The following INTS1 variants were observed in gnomAD, a reference collection of about 807,000 sequenced individuals.
The protein encoded by INTS1 is integrator complex subunit 1.
In INTS1, 137 loss-of-function variants were observed where a neutral mutation model predicts 241.6. That is an observed-to-expected ratio of 0.57 (90% CI 0.49 to 0.65). The LOEUF (loss-of-function observed/expected upper bound fraction) is 0.65, where lower values mean the gene tolerates loss of function less well. Ranked by LOEUF, INTS1 falls within the 30% of genes least tolerant of loss-of-function variation. INTS1 has a pLI of 0.00. For missense variants in INTS1, 3,073 were observed against 3,032.2 expected, an observed-to-expected ratio of 1.01 and a Z score of -0.32; for synonymous variants, 1,692 against 1,337.8, an observed-to-expected ratio of 1.26 and a Z score of -5.78.
At position 1,497,031 on chromosome 7, in the gene INTS1, C is replaced by A; in HGVS notation, c.1602+107G>T. On this transcript the variant is annotated intron_variant, in intron 11 of 47. Coordinates refer to ENST00000404767, the MANE Select transcript of INTS1 (RefSeq NM_001080453.3). The surrounding 1 kb of genome is among the most constrained non-coding windows in gnomAD (Gnocchi z 5.3). The stretch of plus-strand genomic sequence containing the variant: ...CACTCATCCCCGTACCCACGCTCAG[C>A]CAGAGCATCCGAAGGGGTGGAGTGT... The A allele has an allele frequency of 8.6e-7, 1 of 1,167,418 alleles. No homozygotes were observed. Among genetic ancestry groups the A allele is most frequent in the Non-Finnish European group, 1.2e-6 (1 of 849,134 alleles). 72.3% of individuals were successfully genotyped at this position (1,167,418 alleles called of 1,614,324 possible).
At chr7:1,472,163 T>C in intron 44 of INTS1, 110 bp downstream of exon 44, 1 of 799,264 alleles carries the variant, frequency 1.3e-6, no homozygotes, top group South Asian at 1.5e-5. Flanking sequence ...CAGCCCAGCG[T>C]GGGCCAGGCT....
rs2289035 is a variant in INTS1 at position 1,498,978 on chromosome 7, G to A, written c.1134C>T (p.Pro378=). 636,362 of 1,439,494 alleles carry A rather than the reference G, an allele frequency of 0.44. 135,269 individuals are homozygous for A. The highest frequency in any genetic ancestry group is 0.76 in the East Asian group (29,360 of 38,806). The allele number at this position is 1,439,494 out of a possible 1,614,324, so 89.2% of individuals were successfully genotyped here. A position where few individuals can be genotyped will look rare whatever the true frequency, so the allele number is the denominator to read the frequency against. The part of the protein sequence containing the change: ...VQKLEMWLQN[P]KLTRPAQDLL... ...CCCCCCCGGGGCGCCCCCGCACCTTGGGGTTCTGCAGCCACATCTCCAGCT... is the reference window on the plus strand; with the variant it reads ...CCCCCCCGGGGCGCCCCCGCACCTTAGGGTTCTGCAGCCACATCTCCAGCT... The change falls in exon 8 of 48, where the codon CCC becomes CCT. Residue 378 remains proline, a synonymous_variant. Coordinates refer to ENST00000404767, the MANE Select transcript of INTS1 (RefSeq NM_001080453.3).
chr7:1,499,933 A>G lies in INTS1; in HGVS notation c.635T>C (p.Leu212Pro). 3.1e-6 allele frequency: 5 copies of G among 1,613,690 alleles called. No homozygotes were observed. Among genetic ancestry groups the G allele is most frequent in the Non-Finnish European group, 3.4e-6 (4 of 1,179,830 alleles). The change falls in exon 5 of 48, where the codon CTC (leucine) becomes CCC (proline). Residue 212 changes from leucine to proline, a missense_variant. Transcript: ENST00000404767. ...CTCGTCCTCCTCGTAGGCGGCCATG[A>G]GGAGGTTACAGGCCAGCACAGACAC... Reference protein sequence around the residue: ...SLVSVLACNLLMAAYEEDENW... With the variant: ...SLVSVLACNLPMAAYEEDENW...
At chr7:1,486,423 C>T (rs909185352) in intron 22 of INTS1, among the ~76,000 whole-genome samples, 1 of 151,898 alleles carries the variant, frequency 6.6e-6, no homozygotes, top group African/African-American at 2.4e-5. Flanking sequence ...TCCACCACGC[C>T]CAGCTAATTT....
intron 44 of INTS1, among the ~76,000 whole-genome samples, 192 bp downstream of exon 44, chr7:1,472,081 C>A (rs1781495389): frequency 6.6e-6 from 1 of 152,224 alleles, no homozygotes; most frequent in Non-Finnish European, 1.5e-5. Context: ...ACCTCCAGCT[C>A]CCCTGGGCCC....
Position 1,470,414 on chromosome 7 carries a change from A to C in INTS1, c.*163T>G. ...TGATGCCAGCGGCCGGCCCGGAGCCACCCCAGGGCTCGGAGTATTGCTCCT... is the reference window on the plus strand; with the variant it reads ...TGATGCCAGCGGCCGGCCCGGAGCCCCCCCAGGGCTCGGAGTATTGCTCCT... On this transcript the variant is annotated 3_prime_UTR_variant, in exon 48 of 48. Transcript: ENST00000404767. The C allele has an allele frequency of 3.7e-6, 2 of 545,080 alleles. No homozygotes were observed. Among genetic ancestry groups the C allele is most frequent in the Non-Finnish European group, 6.3e-6 (2 of 317,262 alleles). The allele number at this position is 545,080 out of a possible 1,614,324, so 33.8% of individuals were successfully genotyped here. A position where few individuals can be genotyped will look rare whatever the true frequency, so the allele number is the denominator to read the frequency against.
chr7:1,472,864 G>A (rs1028387115), intron 43 of INTS1, among the ~76,000 whole-genome samples: 5 of 152,106 alleles, frequency 3.3e-5, no homozygotes, highest in South Asian at 2.1e-4. Context: ...GCGATGTGCC[G>A]GGGGGCAGGT....
At chr7:1,500,619 A>AC (rs1183355666) in intron 3 of INTS1, among the ~76,000 whole-genome samples, 3 of 152,144 alleles carry the variant, frequency 2.0e-5, no homozygotes, top group African/African-American at 7.2e-5. Context: ...TGTGTCCCAC[A>AC]CGACTACCCC....
chr7:1,483,503 G>A, intron 26 of INTS1: 2 of 582,956 alleles, frequency 3.4e-6, no homozygotes, highest in Non-Finnish European at 6.2e-6. Context: ...CTCCAGCTCA[G>A]GGCTCTACAG....
chr7:1,489,556 C>G (rs1327695716), intron 17 of INTS1, 35 bp downstream of exon 17: 1 of 1,534,698 alleles, frequency 6.5e-7, no homozygotes. Flanking sequence ...CCAGCAGGGC[C>G]ACGTGTGCGC....
At chr7:1,503,485 T>C (rs1783300804) in intron 2 of INTS1, among the ~76,000 whole-genome samples, 1 of 152,124 alleles carries the variant, frequency 6.6e-6, no homozygotes, top group Non-Finnish European at 1.5e-5. Context: ...TTACTCTAAC[T>C]TTACAAGAGA....
At chr7:1,485,055 C>T (rs1400097241) in intron 24 of INTS1, 43 bp downstream of exon 24, 1 of 1,225,868 alleles carries the variant, frequency 8.2e-7, no homozygotes, top group South Asian at 1.3e-5. Context: ...CTGGCCCCGT[C>T]CCCTCCCCAG....
At chr7:1,482,278 C>A in intron 27 of INTS1, 1 of 355,676 alleles carries the variant, frequency 2.8e-6, no homozygotes, top group Non-Finnish European at 5.0e-6. Context: ...TCTCTTTTTT[C>A]CATCGAGGAC....
chr7:1,498,433 G>A lies in INTS1; in HGVS notation c.1404C>T (p.His468=), dbSNP rs1782968394. 1.2e-6 allele frequency: 2 copies of A among 1,613,748 alleles called. No individual in the cohort carries two copies. Among genetic ancestry groups the A allele is most frequent in the South Asian group, 2.2e-5 (2 of 91,060 alleles). ...NMQVLYTALQ[H]SSELAPKFLA... ...CTACCTTGGGCGCCAGCTCTGAGCT[G>A]TGCTGCAGTGCGGTATAGAGGACCT... The change falls in exon 10 of 48, where the codon CAC becomes CAT. Residue 468 remains histidine, a synonymous_variant. Transcript: ENST00000404767.
At chr7:1,502,247 G>A (rs986691566) in intron 3 of INTS1, among the ~76,000 whole-genome samples, 8 of 152,260 alleles carry the variant, frequency 5.3e-5, no homozygotes, top group Admixed American at 3.3e-4. Flanking sequence ...CAGACCATGA[G>A]GCTTGCTGGG....
chr7:1,492,753 C>G (rs1217536146), intron 16 of INTS1, among the ~76,000 whole-genome samples: 2 of 152,214 alleles, frequency 1.3e-5, no homozygotes, highest in African/African-American at 2.4e-5. Context: ...CGGGCCGAGC[C>G]AGTCAAGGCC....
intron 35 of INTS1, 114 bp downstream of exon 35, chr7:1,477,436 G>T (rs1315667285): frequency 1.7e-6 from 2 of 1,198,088 alleles, no homozygotes; most frequent in South Asian, 3.3e-5. Context: ...CCTGAGAGCA[G>T]GGGGGGTGCT....
chr7:1,498,200 T>C, intron 10 of INTS1: 1 of 710,030 alleles, frequency 1.4e-6, no homozygotes, highest in Non-Finnish European at 2.3e-6. Flanking sequence ...AGTGTCAGTT[T>C]CTGAGAAAGA....
rs749031277 is a variant in INTS1 at position 1,479,660 on chromosome 7, G to A, written c.4099C>T (p.Arg1367Trp). 23 of 1,490,516 alleles carry A rather than the reference G, an allele frequency of 1.5e-5. No individual in the cohort carries two copies. The South Asian group carries it at 1.8e-4, about 12-fold the overall frequency. The allele number at this position is 1,490,516 out of a possible 1,614,324, so 92.3% of individuals were successfully genotyped here. A position where few individuals can be genotyped will look rare whatever the true frequency, so the allele number is the denominator to read the frequency against. The change falls in exon 31 of 48, where the codon CGG (arginine) becomes TGG (tryptophan). Residue 1367 changes from arginine (R) to tryptophan (W), a missense_variant. Arg to Trp is a moderately radical substitution (Grantham distance 101). Coordinates refer to ENST00000404767, the MANE Select transcript of INTS1 (RefSeq NM_001080453.3). ...LQIFPLSPDP[R>W]WQSSSPRPVA... ...GGGCGGGGACTGGAGCTCTGCCACC[G>A]AGGGTCCGGGCTGAGCGGGAAAATC...
Sources: allele counts gnomAD v4.1 joint callset (sites outside exome capture counted in the v4.1 genomes callset), GRCh38; gene constraint gnomAD v4.1.1; non-coding constraint Gnocchi (gnomAD v3.1); transcripts MANE v1.5; gene names NCBI Gene and HGNC (gene_info 2026-07-23, HGNC 2026-07-21).